Variants in NUP85 observed in about 807,000 individuals in gnomAD.
NUP85 encodes the protein nucleoporin 85.
A neutral mutation model predicts 92.8 loss-of-function variants in NUP85; 23 were observed. The observed-to-expected ratio is 0.25, with a 90% CI of 0.18 to 0.35. The LOEUF is 0.35. Ranked by LOEUF, NUP85 falls within the 10% of genes least tolerant of loss-of-function variation. NUP85 has a pLI of 1.00. For missense variants in NUP85, 759 were observed against 822.8 expected (o/e 0.92, Z 0.95); for synonymous variants, 314 against 306.9 (o/e 1.02, Z -0.24).
At chr17:75,230,665 A>G (rs1415227060) in intron 11 of NUP85, among the ~76,000 whole-genome samples, 1 of 151,984 alleles carries the variant, frequency 6.6e-6, no homozygotes, top group African/African-American at 2.4e-5. Context: ...GGCCAACAAC[A>G]TGTTTTGATA....
chr17:75,232,885 C>T lies in NUP85; in HGVS notation c.1431C>T (p.Ala477=), dbSNP rs572661092. ...TTTGTAAGATCTTAGCCATGAAAGC[C>T]GTCCGCAACAATCGCCTGGGTTCTG... ...RSICKILAMK[A]VRNNRLGSAL... The change falls in exon 15 of 19, where the codon GCC becomes GCT. Residue 477 remains alanine (A), a synonymous_variant. Transcript: ENST00000245544. The T allele has an allele frequency of 5.9e-5, 96 of 1,614,202 alleles. No homozygotes were observed. Among genetic ancestry groups the T allele is most frequent in the South Asian group, 1.2e-4 (11 of 91,088 alleles).
In NUP85 at chr17:75,218,271, G is replaced by A. The variant is rs2075490416; in HGVS notation, c.562G>A (p.Glu188Lys). The change falls in exon 7 of 19, where the codon GAG becomes AAG. Residue 188 changes from glutamate (E) to lysine (K), a missense_variant. Transcript: ENST00000245544. Reference protein sequence around the residue: ...DSLSADVLGSENPSKHDSFWN... With the variant: ...DSLSADVLGSKNPSKHDSFWN... ...TTTGTCGGCAGATGTTCTGGGCAGT[G>A]AGAATCCAAGCAAACATGACAGCTT... is the stretch of plus-strand genomic sequence containing the variant. The A allele has an allele frequency of 1.9e-6, 3 of 1,613,760 alleles. No individual in the cohort carries two copies. The highest frequency in any genetic ancestry group is 2.5e-6 in the Non-Finnish European group (3 of 1,179,880).
Position 75,232,086 on chromosome 17 carries a change from A to G in NUP85, c.1396+107A>G, listed in dbSNP as rs1420304415. On this transcript the variant is annotated intron_variant, in intron 14 of 18. Coordinates refer to ENST00000245544, the MANE Select transcript of NUP85 (RefSeq NM_024844.5). The stretch of plus-strand genomic sequence containing the variant: ...AGCCATCCTCCTCCTCACGAGCCAC[A>G]CTGGAGACGTGGGGCTGTGGACGCC... 8.2e-6 allele frequency: 10 copies of G among 1,214,250 alleles called. No homozygotes were observed. In the East Asian group the frequency reaches 2.3e-4, roughly 27 times the overall value. The allele number at this position is 1,214,250 out of a possible 1,614,324, so 75.2% of individuals were successfully genotyped here.
intron 7 of NUP85, among the ~76,000 whole-genome samples, chr17:75,222,031 G>A (rs2075610884): frequency 9.2e-6 from 1 of 108,980 alleles, no homozygotes; most frequent in Non-Finnish European, 2.2e-5. Flanking sequence ...TCGTGTGTGT[G>A]TGTGTTTTGT....
intron 11 of NUP85, 118 bp downstream of exon 11, chr17:75,226,275 G>T: frequency 1.4e-6 from 1 of 722,726 alleles, no homozygotes; most frequent in Non-Finnish European, 2.4e-6. Context: ...TGCTATCTTA[G>T]TCCATCTCAC....
intron 9 of NUP85, 109 bp downstream of exon 9, chr17:75,225,573 C>T (rs1397480584): frequency 6.4e-7 from 1 of 1,571,378 alleles, no homozygotes; most frequent in Non-Finnish European, 8.6e-7. Context: ...CTGTCTGTCG[C>T]TCTGCCGTGA....
At position 75,218,234 on chromosome 17, in the gene NUP85, C is replaced by T. The variant is rs778438596; in HGVS notation, c.525C>T (p.Cys175=). The stretch of plus-strand genomic sequence containing the variant: ...TTGACTGGGTCCGGCTCCATGTGTG[C>T]GAGGTGGACAGTTTGTCGGCAGATG... The part of the protein sequence containing the change: ...HLLDWVRLHV[C]EVDSLSADVL... The change falls in exon 7 of 19, where the codon TGC becomes TGT. Residue 175 remains cysteine (C), a synonymous_variant. Transcript: ENST00000245544. 1.5e-5 allele frequency: 24 copies of T among 1,613,736 alleles called. No individual in the cohort carries two copies. The highest frequency in any genetic ancestry group is 1.6e-4 in the Middle Eastern group (1 of 6,082).
At chr17:75,218,840 G>A (rs1025852279) in intron 7 of NUP85, among the ~76,000 whole-genome samples, 2 of 152,020 alleles carry the variant, frequency 1.3e-5, no homozygotes, top group Non-Finnish European at 2.9e-5. Context: ...TGCAACCTCC[G>A]CCTCCTGTGC....
At chr17:75,213,859 CA>C (rs2075345522) in intron 5 of NUP85, among the ~76,000 whole-genome samples, 1 of 137,062 alleles carries the variant, frequency 7.3e-6, no homozygotes, top group African/African-American at 2.8e-5. Flanking sequence ...TGGCAAAACT[CA>C]AGTTTTTTTT....
At chr17:75,216,352 ACCTCCT>A (rs1568074366) in intron 6 of NUP85, 1 of 151,634 alleles carries the variant, frequency 6.6e-6, no homozygotes, top group African/African-American at 2.4e-5. Flanking sequence ...CGCAACCTCC[ACCTCCT>A]GGGTTCAAGC....
chr17:75,210,062 G>T, intron 3 of NUP85, 77 bp downstream of exon 3: 3 of 1,457,642 alleles, frequency 2.1e-6, no homozygotes, highest in Non-Finnish European at 1.9e-6. Context: ...TTGTCTTTTT[G>T]TGTGTTTTAT....
intron 10 of NUP85, 91 bp from the exon 11 acceptor site, chr17:75,225,960 A>G (rs2075777720): frequency 7.5e-6 from 12 of 1,594,030 alleles, no homozygotes; most frequent in African/African-American, 1.3e-5. Flanking sequence ...AGAACAAGGC[A>G]CCTTCTCTGG....
intron 7 of NUP85, among the ~76,000 whole-genome samples, chr17:75,224,433 T>C (rs146835612): frequency 3.6e-4 from 55 of 152,272 alleles, no homozygotes; most frequent in African/African-American, 1.1e-3. Flanking sequence ...TCCTGGACAT[T>C]TTGTGAGAAG....
intron 8 of NUP85, 31 bp from the exon 9 acceptor site, chr17:75,225,311 G>C: frequency 6.2e-7 from 1 of 1,613,988 alleles, no homozygotes; most frequent in Non-Finnish European, 8.5e-7. Flanking sequence ...GTGTGGATGG[G>C]ATGACGTCTC....
chr17:75,235,466 G>C, intron 18 of NUP85, 112 bp from the exon 19 acceptor site: 2 of 721,328 alleles, frequency 2.8e-6, no homozygotes, highest in Non-Finnish European at 4.7e-6. Context: ...TAATTTGCTG[G>C]AAGCTACTAT....
Position 75,209,958 on chromosome 17 carries a change from A to C in NUP85, c.263A>C (p.Glu88Ala). 1 of 1,587,392 alleles carries C rather than the reference A, an allele frequency of 6.3e-7. No individual in the cohort carries two copies. ...CTGGGCCTCCAGAGAATTGACGAAG[A>C]GTTGACTGGAAAATCCAGAAAATCT... Reference protein sequence around the residue: ...IFLGLQRIDEELTGKSRKSQL... With the variant: ...IFLGLQRIDEALTGKSRKSQL... The change falls in exon 3 of 19, where the codon GAG (glutamate) becomes GCG (alanine). Residue 88 changes from glutamate (E) to alanine (A), a missense_variant. Physicochemically the swap from Glu to Ala is moderately radical, Grantham distance 107. Transcript: ENST00000245544.
intron 11 of NUP85, chr17:75,226,836 C>T (rs2075815421): frequency 2.3e-6 from 1 of 426,670 alleles, no homozygotes; most frequent in South Asian, 1.7e-5. Flanking sequence ...ACCTAATGGA[C>T]ACCTTATGGG....
At chr17:75,228,424 G>A (rs1258776276) in intron 11 of NUP85, 2 of 985,286 alleles carry the variant, frequency 2.0e-6, no homozygotes, top group Non-Finnish European at 2.4e-6. Context: ...CTCTGATCAC[G>A]AGGCTACCTC....
At chr17:75,229,498 C>T (rs1247225278) in intron 11 of NUP85, among the ~76,000 whole-genome samples, 1 of 152,192 alleles carries the variant, frequency 6.6e-6, no homozygotes, top group Non-Finnish European at 1.5e-5. Context: ...TTAGGCCTTT[C>T]TTGCCTTGAA....
Sources: allele counts gnomAD v4.1 joint callset (sites outside exome capture counted in the v4.1 genomes callset), GRCh38; gene constraint gnomAD v4.1.1; transcripts MANE v1.5; gene names NCBI Gene and HGNC (gene_info 2026-07-23, HGNC 2026-07-21).